The following THRAP3 variants were observed in gnomAD, a reference collection of about 807,000 sequenced individuals.
THRAP3 encodes the protein thyroid hormone receptor associated protein 3, also known as thyroid hormone receptor-associated protein 3.
A neutral mutation model predicts 101.0 loss-of-function variants in THRAP3; 16 were observed. The observed-to-expected ratio is 0.16, with a 90% confidence interval of 0.11 to 0.24. The LOEUF (loss-of-function observed/expected upper bound fraction) is 0.24, where lower values mean the gene tolerates loss of function less well. Among genes scored for constraint, THRAP3 ranks in the 10% least tolerant of loss-of-function variants. The probability of loss-of-function intolerance (pLI) is 1.00; values close to 1 mark genes in which losing one functional copy is unlikely to be tolerated. For synonymous variants in THRAP3, 407 were observed against 422.6 expected (o/e 0.96, Z 0.45); for missense variants, 989 against 1,202.7 (o/e 0.82, Z 2.63).
Position 36,287,103 on chromosome 1 carries a change from C to T in THRAP3, c.873C>T (p.Ala291=), listed in dbSNP as rs193290562. ...TGGGCTCAACTCTGCCGAGTGGTGC[C>T]GGGTATCAGTCTGGGACACACCAAG... ...SQMGSTLPSG[A]GYQSGTHQGQ... Residue 291 remains alanine (A), a synonymous_variant, in exon 4 of 12, where the codon GCC becomes GCT. Coordinates refer to ENST00000354618, the MANE Select transcript of THRAP3 (RefSeq NM_005119.4). The T allele has an allele frequency of 2.1e-5, 34 of 1,614,100 alleles. No homozygotes were observed. The Middle Eastern group carries it at 1.3e-3, about 63-fold the overall frequency.
In THRAP3 at chr1:36,276,075, CAT is replaced by C. The variant is rs923391990; in HGVS notation, c.-31-6456_-31-6455del. ...TCATAAAAATTAAATCATAATGGAT[CAT>C]AGACCTACATAGTGCTAAAACTAGA... On this transcript the variant is annotated intron_variant, in intron 2 of 11. Coordinates refer to ENST00000354618, the MANE Select transcript of THRAP3 (RefSeq NM_005119.4). 2.2e-4 allele frequency among the ~76,000 whole-genome samples: 34 copies of C among 152,222 alleles called. 1 individual carries two copies. The highest frequency in any genetic ancestry group is 7.9e-4 in the African/African-American group (33 of 41,526).
chr1:36,225,893 G>A (rs1644956782), intron 1 of THRAP3, among the ~76,000 whole-genome samples: 1 of 152,146 alleles, frequency 6.6e-6, no homozygotes, highest in African/African-American at 2.4e-5. Flanking sequence ...GTTGTGTTGA[G>A]GTTTCTGTAA....
chr1:36,241,387 A>G (rs1339294056), intron 1 of THRAP3, among the ~76,000 whole-genome samples: 58 of 1,178 alleles, frequency 0.049, no homozygotes, highest in Admixed American at 0.088. Flanking sequence ...TAATGGGTGT[A>G]TATATATATA....
intron 2 of THRAP3, among the ~76,000 whole-genome samples, chr1:36,281,287 A>G (rs1645728370): frequency 6.6e-6 from 1 of 152,204 alleles, no homozygotes; most frequent in Non-Finnish European, 1.5e-5. Flanking sequence ...ACTAAGTTAA[A>G]TTGCATGCGG....
intron 1 of THRAP3, among the ~76,000 whole-genome samples, chr1:36,235,558 A>ATC (rs1645075218): frequency 1.3e-5 from 2 of 152,206 alleles, no homozygotes; most frequent in African/African-American, 4.8e-5. Flanking sequence ...GATACAGATG[A>ATC]AATTGAGATA....
chr1:36,220,972 A>AATAT (rs1228406695), upstream of THRAP3, among the ~76,000 whole-genome samples: 508 of 94,068 alleles, frequency 5.4e-3, 11 homozygotes, highest in Middle Eastern at 0.013. Context: ...AAAAAAAAAA[A>AATAT]ATATATATAT....
chr1:36,235,562 T>A (rs1463487945), intron 1 of THRAP3, among the ~76,000 whole-genome samples: 2 of 152,106 alleles, frequency 1.3e-5, no homozygotes, highest in African/African-American at 4.8e-5. Flanking sequence ...CAGATGAAAT[T>A]GAGATACCAT....
chr1:36,232,457 GT>G (rs1395022963), intron 1 of THRAP3, among the ~76,000 whole-genome samples: 3 of 152,044 alleles, frequency 2.0e-5, no homozygotes, highest in Non-Finnish European at 4.4e-5. Context: ...TTCAAAAACT[GT>G]TGCTGTTTCC....
intron 1 of THRAP3, among the ~76,000 whole-genome samples, chr1:36,256,201 ATTATTATTGTTATTATTG>A (rs769960320): frequency 6.8e-6 from 1 of 146,514 alleles, no homozygotes; most frequent in African/African-American, 2.5e-5. Flanking sequence ...TATTATTATT[ATTATTATTGTTATTATTG>A]TTATTATTAT....
chr1:36,267,591 G>T (rs1040554908), intron 2 of THRAP3, among the ~76,000 whole-genome samples: 3 of 152,158 alleles, frequency 2.0e-5, no homozygotes, highest in African/African-American at 7.2e-5. Flanking sequence ...AATTCCAGGG[G>T]TATTGATACT....
chr1:36,294,108 A>C (rs1453985556), intron 8 of THRAP3, 173 bp downstream of exon 8: 1 of 1,403,886 alleles, frequency 7.1e-7, no homozygotes, highest in Non-Finnish European at 9.3e-7. Context: ...ATGTATCAAC[A>C]ACCTTTGTGA....
At chr1:36,230,486 C>T (rs1645016071) in intron 1 of THRAP3, among the ~76,000 whole-genome samples, 1 of 152,102 alleles carries the variant, frequency 6.6e-6, no homozygotes, top group African/African-American at 2.4e-5. Flanking sequence ...TGGTCTTGAA[C>T]TCCTGACCTC....
chr1:36,209,518 A>T, the THRAP3 span, among the ~76,000 whole-genome samples: 3 of 152,188 alleles, frequency 2.0e-5, no homozygotes, highest in Non-Finnish European at 2.9e-5. Context: ...ACATTGCCAA[A>T]TATCCTCTGG....
chr1:36,305,099 T>G lies in THRAP3; in HGVS notation c.*1082T>G, dbSNP rs1435775265. The G allele has an allele frequency of 4.7e-6, 1 of 213,066 alleles. No homozygotes were observed. Among genetic ancestry groups the G allele is most frequent in the East Asian group, 6.8e-5 (1 of 14,650 alleles). The allele number at this position is 213,066 out of a possible 1,614,324, so 13.2% of individuals were successfully genotyped here. A position where few individuals can be genotyped will look rare whatever the true frequency, so the allele number is the denominator to read the frequency against. On this transcript the variant is annotated 3_prime_UTR_variant, in exon 12 of 12. Coordinates refer to ENST00000354618, the MANE Select transcript of THRAP3 (RefSeq NM_005119.4). ...AACATCCTCTTAAAATGGGTCCTTG[T>G]GCTTGCCTTCTGGGGAGGCGGTCCT...
intron 3 of THRAP3, 43 bp downstream of exon 3, chr1:36,282,743 A>G (rs1645749882): frequency 6.2e-7 from 1 of 1,607,778 alleles, no homozygotes; most frequent in Non-Finnish European, 8.5e-7. Flanking sequence ...TCATTGCATC[A>G]GTCGATGTGG....
In THRAP3 at chr1:36,289,728, A is replaced by G. The variant is rs1221492106; in HGVS notation, c.1709A>G (p.Asn570Ser). The change falls in exon 5 of 12, where the codon AAT becomes AGT. Residue 570 changes from asparagine (N) to serine (S), a missense_variant. By Grantham distance (46) the Asn-to-Ser change is conservative. Transcript: ENST00000354618. Reference protein sequence around the residue: ...SFSITREAQVNVRMDSFDEDL... With the variant: ...SFSITREAQVSVRMDSFDEDL... Reference sequence around the variant, plus strand: ...TCCATTACTCGAGAGGCACAGGTCAATGTCCGGATGGACTCTTTTGATGAG... The same window carrying G: ...TCCATTACTCGAGAGGCACAGGTCAGTGTCCGGATGGACTCTTTTGATGAG... 5.6e-6 allele frequency: 9 copies of G among 1,612,672 alleles called. No individual in the cohort carries two copies. Among genetic ancestry groups the G allele is most frequent in the South Asian group, 3.3e-5 (3 of 90,956 alleles).
At chr1:36,208,332 A>G in the THRAP3 span, among the ~76,000 whole-genome samples, 3 of 152,214 alleles carry the variant, frequency 2.0e-5, no homozygotes, top group Non-Finnish European at 4.4e-5. Flanking sequence ...CTCAGAGAGG[A>G]TAAGTCACTT....
chr1:36,282,843 T>C (rs946602412), intron 3 of THRAP3, 143 bp downstream of exon 3: 7 of 797,928 alleles, frequency 8.8e-6, no homozygotes, highest in Non-Finnish European at 1.4e-5. Flanking sequence ...TATAAGATAT[T>C]CCAGGTCTCT....
chr1:36,267,301 A>G (rs1011420440), intron 2 of THRAP3, among the ~76,000 whole-genome samples: 7 of 152,094 alleles, frequency 4.6e-5, no homozygotes, highest in African/African-American at 1.4e-4. Flanking sequence ...ACCTAATTCC[A>G]TTTTTTAGGA....
Sources: allele counts gnomAD v4.1 joint callset (sites outside exome capture counted in the v4.1 genomes callset), GRCh38; gene constraint gnomAD v4.1.1; transcripts MANE v1.5; gene names NCBI Gene and HGNC (gene_info 2026-07-23, HGNC 2026-07-21).